APBB2: variants seen among roughly 807,000 people sequenced by gnomAD.
APBB2 encodes the protein Fe65-like 1.
In APBB2, 38 loss-of-function variants were observed where a neutral mutation model predicts 82.5. The observed-to-expected ratio is 0.46, with a 90% confidence interval of 0.36 to 0.60. The LOEUF (loss-of-function observed/expected upper bound fraction) is 0.60, where lower values mean the gene tolerates loss of function less well. APBB2 is among the 20% of genes least tolerant of loss of function. The probability of loss-of-function intolerance (pLI) is 0.00; values close to 1 mark genes in which losing one functional copy is unlikely to be tolerated. For synonymous variants in APBB2, 341 were observed against 368.2 expected, an observed-to-expected ratio of 0.93 and a Z score of 0.85; for missense variants, 772 against 972.3, an observed-to-expected ratio of 0.79 and a Z score of 2.74.
intron 2 of APBB2, among the ~76,000 whole-genome samples, chr4:41,123,511 C>T (rs934862034): frequency 1.3e-5 from 2 of 152,142 alleles, no homozygotes; most frequent in African/African-American, 4.8e-5. Context: ...GCACACTGCA[C>T]AGTAAACAAT....
intron 3 of APBB2, among the ~76,000 whole-genome samples, chr4:41,089,847 G>T (rs1367678921): frequency 6.6e-6 from 1 of 152,144 alleles, no homozygotes; most frequent in African/African-American, 2.4e-5. Context: ...ATATTGATAT[G>T]GAAAAGAGTG....
chr4:40,993,754 C>G (rs4861351), intron 6 of APBB2, among the ~76,000 whole-genome samples: 2 of 151,912 alleles, frequency 1.3e-5, no homozygotes, highest in African/African-American at 4.8e-5. Context: ...ATGTTTTCCA[C>G]GTTTTTCATT....
chr4:41,089,136 G>T (rs1221020554), intron 3 of APBB2, among the ~76,000 whole-genome samples: 8 of 152,188 alleles, frequency 5.3e-5, no homozygotes, highest in Non-Finnish European at 1.0e-4. Flanking sequence ...CTGATATCCA[G>T]TGGGTGGGTG....
chr4:40,911,001 T>C (rs1045871778), intron 10 of APBB2, among the ~76,000 whole-genome samples: 1 of 152,246 alleles, frequency 6.6e-6, no homozygotes, highest in African/African-American at 2.4e-5. Context: ...AGATTGCAGT[T>C]TGAATCTCAG....
intron 3 of APBB2, among the ~76,000 whole-genome samples, chr4:41,084,143 G>A (rs923349262): frequency 2.6e-5 from 4 of 152,144 alleles, no homozygotes; most frequent in Admixed American, 6.5e-5. Flanking sequence ...TAAAGAAATA[G>A]GCTGGGCACG....
chr4:41,099,238 T>G (rs1054964764), intron 3 of APBB2, among the ~76,000 whole-genome samples: 4 of 151,778 alleles, frequency 2.6e-5, no homozygotes, highest in Admixed American at 6.6e-5. Context: ...GGTTTTTGTG[T>G]TTTTTTTGGG....
chr4:40,930,818 G>T (rs1784056529), intron 10 of APBB2, among the ~76,000 whole-genome samples: 1 of 152,112 alleles, frequency 6.6e-6, no homozygotes, highest in Non-Finnish European at 1.5e-5. Flanking sequence ...CACAATCTCG[G>T]CTCACTGCAA....
intron 6 of APBB2, among the ~76,000 whole-genome samples, chr4:40,981,992 C>T (rs544780682): frequency 6.6e-6 from 1 of 151,704 alleles, no homozygotes; most frequent in South Asian, 2.1e-4. Flanking sequence ...CGAGACCAGC[C>T]TGGCCAACAT....
At chr4:40,982,840 A>G (rs1799467833) in intron 6 of APBB2, among the ~76,000 whole-genome samples, 1 of 151,988 alleles carries the variant, frequency 6.6e-6, no homozygotes, top group Non-Finnish European at 1.5e-5. Context: ...ATCCAAATGC[A>G]GCAAGTACAA....
chr4:41,007,726 T>C (rs1312718629), intron 6 of APBB2, among the ~76,000 whole-genome samples: 1 of 152,224 alleles, frequency 6.6e-6, no homozygotes, highest in Non-Finnish European at 1.5e-5. Flanking sequence ...TCAGAGAGCA[T>C]GCATTAATGA....
intron 6 of APBB2, among the ~76,000 whole-genome samples, chr4:41,012,083 G>A (rs1808532126): frequency 6.6e-6 from 1 of 151,896 alleles, no homozygotes; most frequent in Non-Finnish European, 1.5e-5. Context: ...TTGAACTTGT[G>A]GGCTCAGGTG....
At chr4:41,154,337 A>C (rs1306783775) in intron 1 of APBB2, among the ~76,000 whole-genome samples, 1 of 152,208 alleles carries the variant, frequency 6.6e-6, no homozygotes, top group Non-Finnish European at 1.5e-5. Flanking sequence ...ACACAAATGC[A>C]CCTGGCAATA....
In APBB2 at chr4:40,815,257, G is replaced by A. The variant is rs1462455735; in HGVS notation, c.*835C>T. On this transcript the variant is annotated 3_prime_UTR_variant, in exon 18 of 18. Transcript: ENST00000508593. ...AATGTTTATGTAGAGAATGGCCATA[G>A]TGAACTATAATTCTCTAGCTGCACC... The A allele has an allele frequency of 6.6e-6, 1 of 152,664 alleles. No homozygotes were observed. Among genetic ancestry groups the A allele is most frequent in the Admixed American group, 6.5e-5 (1 of 15,292 alleles). The allele number at this position is 152,664 out of a possible 1,614,324, so 9.5% of individuals were successfully genotyped here. A position where few individuals can be genotyped will look rare whatever the true frequency, so the allele number is the denominator to read the frequency against.
intron 12 of APBB2, among the ~76,000 whole-genome samples, chr4:40,845,615 A>AC (rs1757300850): frequency 6.8e-6 from 1 of 147,272 alleles, no homozygotes; most frequent in African/African-American, 2.5e-5. Flanking sequence ...AAAAAAAAAA[A>AC]CCAGCACACC....
rs142033943 is a variant in APBB2, at chr4:40,855,398, C to T, written c.1530-24821G>A. 3.0e-3 allele frequency among the ~76,000 whole-genome samples: 459 copies of T among 152,238 alleles called. 2 individuals are homozygous for T. The highest frequency in any genetic ancestry group is 0.011 in the African/African-American group (445 of 41,514). On this transcript the variant is annotated intron_variant, in intron 12 of 17. Coordinates refer to ENST00000508593, the MANE Select transcript of APBB2 (RefSeq NM_004307.2). ...GAAAAGCTAGAACTAAACAACGTGG[C>T]GGCTGTTAGAAAAGTGTGTTTCTCA... is the stretch of plus-strand genomic sequence containing the variant.
intron 6 of APBB2, among the ~76,000 whole-genome samples, chr4:41,006,758 G>A (rs748418803): frequency 6.6e-5 from 10 of 152,298 alleles, no homozygotes; most frequent in South Asian, 2.1e-4. Context: ...GAGCCACCGC[G>A]CCCAGCCATG....
intron 2 of APBB2, among the ~76,000 whole-genome samples, chr4:41,132,039 CA>C (rs1257714374): frequency 2.3e-5 from 1 of 43,518 alleles, no homozygotes; most frequent in Non-Finnish European, 5.0e-5. Flanking sequence ...GACTCTGTCT[CA>C]AAAATAAATA....
chr4:41,139,676 T>C (rs1758543514), intron 2 of APBB2, among the ~76,000 whole-genome samples: 1 of 152,178 alleles, frequency 6.6e-6, no homozygotes, highest in African/African-American at 2.4e-5. Flanking sequence ...GAAAAGTCTA[T>C]CTATTGTATA....
chr4:41,147,481 CTTT>C (rs558746840), intron 1 of APBB2, among the ~76,000 whole-genome samples: 7 of 103,106 alleles, frequency 6.8e-5, no homozygotes, highest in African/African-American at 1.2e-4. Context: ...GTTTGGCCAG[CTTT>C]TTTTTTTTTT....
Sources: allele counts gnomAD v4.1 joint callset (sites outside exome capture counted in the v4.1 genomes callset), GRCh38; gene constraint gnomAD v4.1.1; transcripts MANE v1.5; gene names NCBI Gene and HGNC (gene_info 2026-07-23, HGNC 2026-07-21).